CYP26B1: variants seen among roughly 807,000 people sequenced by gnomAD.
CYP26B1 encodes the protein cytochrome P450 26B1.
Under a neutral mutation model 39.1 loss-of-function variants are expected in CYP26B1, and 8 were observed. The observed-to-expected ratio is 0.20, with a 90% CI of 0.12 to 0.37. CYP26B1 has a LOEUF of 0.37. Among genes scored for constraint, CYP26B1 ranks in the 10% least tolerant of loss-of-function variants. The pLI is 1.00. For synonymous variants in CYP26B1, 321 were observed against 314.3 expected (o/e 1.02, Z -0.23); for missense variants, 615 against 707.0 (o/e 0.87, Z 1.48).
intron 4 of CYP26B1, among the ~76,000 whole-genome samples, chr2:72,133,630 GT>G (rs1169412017): frequency 2.0e-5 from 3 of 152,272 alleles, no homozygotes; most frequent in African/African-American, 4.8e-5. Context: ...CTGATATGCA[GT>G]GGGCTCACAG....
At chr2:72,139,338 G>T (rs1057280659) in intron 2 of CYP26B1, among the ~76,000 whole-genome samples, 5 of 152,208 alleles carry the variant, frequency 3.3e-5, no homozygotes, top group East Asian at 1.9e-4. Flanking sequence ...AGCAAGGGGG[G>T]TAAGAGAGGA....
intron 2 of CYP26B1, among the ~76,000 whole-genome samples, chr2:72,136,429 G>C (rs1018061381): frequency 6.6e-6 from 1 of 152,238 alleles, no homozygotes; most frequent in African/African-American, 2.4e-5. Context: ...ACATTTTCCT[G>C]GCCTAGGCCC....
In CYP26B1 at chr2:72,133,300, G is replaced by A; in HGVS notation, c.869C>T (p.Thr290Ile). ...EMTMQELKDG[T>I]LELIFAAYAT... ...ATAGGCCGCAAAGATCAGCTCCAGGGTCCCGTCCTGCAGGGCACAGAGGAG... is the reference window on the plus strand; with the variant it reads ...ATAGGCCGCAAAGATCAGCTCCAGGATCCCGTCCTGCAGGGCACAGAGGAG... The change falls in exon 5 of 6, where the codon ACC becomes ATC. Residue 290 changes from threonine (T) to isoleucine (I), a missense_variant. By Grantham distance (89) the Thr-to-Ile change is moderately conservative. Coordinates refer to ENST00000001146, the MANE Select transcript of CYP26B1 (RefSeq NM_019885.4). 6.2e-7 allele frequency: 1 copy of A among 1,604,472 alleles called. No individual in the cohort carries two copies.
chr2:72,136,065 G>A (rs546749908), intron 2 of CYP26B1, among the ~76,000 whole-genome samples: 15 of 128,376 alleles, frequency 1.2e-4, no homozygotes, highest in South Asian at 2.5e-4. Context: ...CCGTCCTCCC[G>A]GCTGGCTGCG....
chr2:72,143,879 G>A, intron 2 of CYP26B1, 110 bp downstream of exon 2: 1 of 1,302,520 alleles, frequency 7.7e-7, no homozygotes, highest in Non-Finnish European at 1.1e-6. Context: ...TTCAAGCATG[G>A]TGTGCAAAGG....
rs908328810 is a variant in CYP26B1 at position 72,130,512 on chromosome 2, G to C, written c.*1715C>G. On this transcript the variant is annotated 3_prime_UTR_variant, in exon 6 of 6. Transcript: ENST00000001146. Reference sequence around the variant, plus strand: ...TCTGTGGGGCTGCCTACGGGATCTGGTCTGAGGGAGCCACTGAGGTGCTCA... The same window carrying C: ...TCTGTGGGGCTGCCTACGGGATCTGCTCTGAGGGAGCCACTGAGGTGCTCA... 1 of 152,254 alleles carries C rather than the reference G, an allele frequency of 6.6e-6. No individual in the cohort carries two copies. Among genetic ancestry groups the C allele is most frequent in the Non-Finnish European group, 1.5e-5 (1 of 68,096 alleles). 9.4% of individuals were successfully genotyped at this position (152,254 alleles called of 1,614,324 possible).
chr2:72,129,596 A>G lies in CYP26B1; in HGVS notation c.*2631T>C, dbSNP rs1425758946. 1 of 150,314 alleles carries G rather than the reference A, an allele frequency of 6.7e-6. No individual in the cohort carries two copies. Among genetic ancestry groups the G allele is most frequent in the African/African-American group, 2.5e-5 (1 of 40,426 alleles). 9.3% of individuals were successfully genotyped at this position (150,314 alleles called of 1,614,324 possible). A position where few individuals can be genotyped will look rare whatever the true frequency, so the allele number is the denominator to read the frequency against. ...TACTTATAATAGTTTATAAAGACAGACACAAAATTATAACATTTATGAAAA... is the reference window on the plus strand; with the variant it reads ...TACTTATAATAGTTTATAAAGACAGGCACAAAATTATAACATTTATGAAAA... On this transcript the variant is annotated 3_prime_UTR_variant, in exon 6 of 6. Transcript: ENST00000001146.
rs1372804374 is a variant in CYP26B1, at chr2:72,132,634, G to A, written c.1147-15C>T. 1.3e-6 allele frequency: 2 copies of A among 1,586,178 alleles called. No individual in the cohort carries two copies. Among genetic ancestry groups the A allele is most frequent in the South Asian group, 2.3e-5 (2 of 87,478 alleles). On this transcript the variant is annotated splice_polypyrimidine_tract_variant and intron_variant, in intron 5 of 5. Transcript: ENST00000001146. The stretch of plus-strand genomic sequence containing the variant: ...ATCTGGAAACCCTGGAGCAAGATGG[G>A]GGCCGAGGAGTGGGTGGTGAGAGCC...
intron 1 of CYP26B1, chr2:72,144,621 GCC>G: frequency 2.4e-6 from 1 of 413,146 alleles, no homozygotes; most frequent in Non-Finnish European, 3.2e-6. Flanking sequence ...CCGCGGGGTG[GCC>G]GCAGGCCAAA....
rs932585068 is a variant in CYP26B1, at chr2:72,147,559, G to T, written c.204+72C>A. 46 of 1,455,114 alleles carry T rather than the reference G, an allele frequency of 3.2e-5. No individual in the cohort carries two copies. Among genetic ancestry groups the T allele is most frequent in the Non-Finnish European group, 4.1e-5 (45 of 1,095,090 alleles). 90.1% of individuals were successfully genotyped at this position (1,455,114 alleles called of 1,614,324 possible). ...TCAGGCTCCCGGCGCCCCCTGGCCG[G>T]CCCGCCGCTCCGTCTGCCCCGCGCT... On this transcript the variant is annotated intron_variant, in intron 1 of 5. Transcript: ENST00000001146. This position sits in a 1 kb window ranked among gnomAD's most constrained non-coding sequence, Gnocchi z 6.1.
rs1049015813 is a variant in CYP26B1 at position 72,143,582 on chromosome 2, G to A, written c.429+407C>T. On this transcript the variant is annotated intron_variant, in intron 2 of 5. Transcript: ENST00000001146. Reference sequence around the variant, plus strand: ...CCCTTCAAGCAGCCTGTGGTGGGAAGGACAGCTTTGATTTTAGAATGATCG... The same window carrying A: ...CCCTTCAAGCAGCCTGTGGTGGGAAAGACAGCTTTGATTTTAGAATGATCG... Among the ~76,000 whole-genome samples, 4 of 152,374 alleles carry A rather than the reference G, an allele frequency of 2.6e-5. No homozygotes were observed. In the East Asian group the frequency reaches 5.8e-4, roughly 22 times the overall value.
At position 72,137,991 on chromosome 2, in the gene CYP26B1, C is replaced by T. The variant is rs191372625; in HGVS notation, c.430-2572G>A. On this transcript the variant is annotated intron_variant, in intron 2 of 5. Transcript: ENST00000001146. Reference sequence around the variant, plus strand: ...GCTGCCCCTCCTGGAGCTGTTTCCCCGCTGGGTTCATGAGAGGCCCGACTG... The same window carrying T: ...GCTGCCCCTCCTGGAGCTGTTTCCCTGCTGGGTTCATGAGAGGCCCGACTG... Among the ~76,000 whole-genome samples the T allele has an allele frequency of 2.8e-3, 433 of 152,332 alleles. 3 individuals carry two copies. Among genetic ancestry groups the T allele is most frequent in the African/African-American group, 0.01 (424 of 41,584 alleles).
In CYP26B1 at chr2:72,142,547, T is replaced by C. The variant is rs191254802; in HGVS notation, c.429+1442A>G. Among the ~76,000 whole-genome samples, 323 of 152,328 alleles carry C rather than the reference T, an allele frequency of 2.1e-3. 1 individual carries two copies. Among genetic ancestry groups the C allele is most frequent in the Middle Eastern group, 0.01 (3 of 294 alleles). The stretch of plus-strand genomic sequence containing the variant: ...CCCTTCCATGAAAAGGGGACAATAA[T>C]ACCCCTCTGGCCAAAGCCTCTGTAA... On this transcript the variant is annotated intron_variant, in intron 2 of 5. Coordinates refer to ENST00000001146, the MANE Select transcript of CYP26B1 (RefSeq NM_019885.4).
chr2:72,135,727 A>T (rs979982202), intron 2 of CYP26B1, among the ~76,000 whole-genome samples: 1 of 152,164 alleles, frequency 6.6e-6, no homozygotes, highest in Non-Finnish European at 1.5e-5. Context: ...TGGACTGTAC[A>T]GGGAAGTAGG....
chr2:72,138,351 C>T (rs1246396947), intron 2 of CYP26B1, among the ~76,000 whole-genome samples: 1 of 152,116 alleles, frequency 6.6e-6, no homozygotes, highest in Non-Finnish European at 1.5e-5. Context: ...CAGGCTGGGG[C>T]AGAGGGCGGC....
chr2:72,141,982 ACTCCCCACCCACCCCCAGGGAG>A (rs1676956689), intron 2 of CYP26B1, among the ~76,000 whole-genome samples: 1 of 151,332 alleles, frequency 6.6e-6, no homozygotes, highest in Non-Finnish European at 1.5e-5. Context: ...GCTTCTGGTG[ACTCCCCACCCACCCCCAGGGAG>A]CTAAAAGACC....
rs997197029 is a variant in CYP26B1, at chr2:72,147,363, C to G, written c.204+268G>C. On this transcript the variant is annotated intron_variant, in intron 1 of 5. Transcript: ENST00000001146. The surrounding 1 kb of genome is among the most constrained non-coding windows in gnomAD (Gnocchi z 6.1). ...ACGCCCCCTGCCAGGCCAGCCGCGA[C>G]CCAGGCAAGTCCATCTTGGGAGCCC... Among the ~76,000 whole-genome samples, 1 of 152,190 alleles carries G rather than the reference C, an allele frequency of 6.6e-6. No homozygotes were observed. Among genetic ancestry groups the G allele is most frequent in the East Asian group, 1.9e-4 (1 of 5,170 alleles).
rs768603905 is a variant in CYP26B1 at position 72,129,479 on chromosome 2, C to A, written c.*2748G>T. On this transcript the variant is annotated 3_prime_UTR_variant, in exon 6 of 6. Transcript: ENST00000001146. ...ATATTAATATTTTGAACCATGTTTA[C>A]AATAGAGCAAAATTCATATTTTACT... is the stretch of plus-strand genomic sequence containing the variant. 6.6e-6 allele frequency: 1 copy of A among 152,340 alleles called. No homozygotes were observed. Among genetic ancestry groups the A allele is most frequent in the Non-Finnish European group, 1.5e-5 (1 of 68,004 alleles). The allele number at this position is 152,340 out of a possible 1,614,324, so 9.4% of individuals were successfully genotyped here. A position where few individuals can be genotyped will look rare whatever the true frequency, so the allele number is the denominator to read the frequency against.
At chr2:72,146,446 G>T (rs570616622) in intron 1 of CYP26B1, among the ~76,000 whole-genome samples, 1 of 152,192 alleles carries the variant, frequency 6.6e-6, no homozygotes, top group Non-Finnish European at 1.5e-5. Flanking sequence ...CCTAATCCGG[G>T]ACGTGGAAAG....
Sources: allele counts gnomAD v4.1 joint callset (sites outside exome capture counted in the v4.1 genomes callset), GRCh38; gene constraint gnomAD v4.1.1; non-coding constraint Gnocchi (gnomAD v3.1); transcripts MANE v1.5; gene names NCBI Gene and HGNC (gene_info 2026-07-23, HGNC 2026-07-21).